The following CNTNAP5 variants were observed in gnomAD, a reference collection of about 807,000 sequenced individuals.
CNTNAP5 encodes contactin associated protein family member 5, also known as contactin-associated protein-like 5.
Under a neutral mutation model 150.2 loss-of-function variants are expected in CNTNAP5, and 72 were observed. The ratio of observed to expected loss-of-function variants is 0.48; its 90% CI spans 0.40 to 0.58. CNTNAP5 has a LOEUF of 0.58. CNTNAP5 is among the 20% of genes least tolerant of loss of function. CNTNAP5 has a pLI of 0.00. For synonymous variants in CNTNAP5, 672 were observed against 619.8 expected (o/e 1.08, Z -1.25); for missense variants, 1,636 against 1,626.2 (o/e 1.01, Z -0.10).
Position 124,025,342 on chromosome 2 carries a change from CCTGT to C in CNTNAP5, c.-307_-304del. 1 of 333,766 alleles carries C rather than the reference CCTGT, an allele frequency of 3.0e-6. No individual in the cohort carries two copies. The highest frequency in any genetic ancestry group is 5.7e-6 in the Non-Finnish European group (1 of 174,644). The allele number at this position is 333,766 out of a possible 1,614,324, so 20.7% of individuals were successfully genotyped here. On this transcript the variant is annotated 5_prime_UTR_variant, in exon 1 of 24. Coordinates refer to ENST00000682447, the MANE Select transcript of CNTNAP5 (RefSeq NM_001367498.1). ...TTTGGCTGTCCACCGAGCTCCGGCG[CCTGT>C]CGTTCTAATTGGGTTTGGATTTGCA... is the stretch of plus-strand genomic sequence containing the variant.
chr2:124,170,176 G>A (rs527267269), intron 1 of CNTNAP5, among the ~76,000 whole-genome samples: 2 of 152,174 alleles, frequency 1.3e-5, no homozygotes, highest in South Asian at 2.1e-4. Flanking sequence ...AAAGAATAAA[G>A]AGAGGCAGGC....
At chr2:124,380,338 G>T (rs2104736892) in intron 3 of CNTNAP5, among the ~76,000 whole-genome samples, 1 of 152,208 alleles carries the variant, frequency 6.6e-6, no homozygotes, top group African/African-American at 2.4e-5. Flanking sequence ...TCAAAGACAG[G>T]TTCCTCTTCC....
At chr2:124,239,693 C>CG (rs1686838382) in intron 2 of CNTNAP5, among the ~76,000 whole-genome samples, 2 of 125,756 alleles carry the variant, frequency 1.6e-5, no homozygotes. Flanking sequence ...ATTTCAACAA[C>CG]ATTTTTTTTT....
chr2:124,813,441 C>A (rs1011770933), intron 19 of CNTNAP5, among the ~76,000 whole-genome samples: 2 of 150,506 alleles, frequency 1.3e-5, no homozygotes, highest in African/African-American at 4.9e-5. Flanking sequence ...GCTAACTCAT[C>A]CATTCCCATT....
intron 8 of CNTNAP5, among the ~76,000 whole-genome samples, chr2:124,523,222 C>T (rs1040357020): frequency 2.6e-5 from 4 of 152,126 alleles, no homozygotes; most frequent in African/African-American, 4.8e-5. Flanking sequence ...GACTAACTGG[C>T]GTAATTCTCA....
intron 12 of CNTNAP5, among the ~76,000 whole-genome samples, chr2:124,634,533 C>T (rs74649253): frequency 0.061 from 9,220 of 152,084 alleles, 304 homozygotes; most frequent in African/African-American, 0.075. Context: ...AAATGAGGCA[C>T]GGTATCACTT....
At chr2:124,727,392 G>A (rs1296580291) in intron 13 of CNTNAP5, among the ~76,000 whole-genome samples, 1 of 151,822 alleles carries the variant, frequency 6.6e-6, no homozygotes, top group East Asian at 1.9e-4. Flanking sequence ...GATAATGATT[G>A]CATTGAACTT....
chr2:124,497,083 C>T (rs1016450888), intron 7 of CNTNAP5, among the ~76,000 whole-genome samples: 2 of 152,150 alleles, frequency 1.3e-5, no homozygotes, highest in African/African-American at 4.8e-5. Flanking sequence ...CCGCTAGAGA[C>T]CATGGATCTT....
intron 6 of CNTNAP5, among the ~76,000 whole-genome samples, chr2:124,450,289 T>C (rs966070706): frequency 2.6e-5 from 4 of 151,782 alleles, no homozygotes; most frequent in Non-Finnish European, 5.9e-5. Context: ...TATATACTTC[T>C]GTATATATCA....
chr2:124,133,163 G>T (rs1017375372), intron 1 of CNTNAP5, among the ~76,000 whole-genome samples: 2 of 152,126 alleles, frequency 1.3e-5, no homozygotes, highest in Admixed American at 1.3e-4. Flanking sequence ...AGGTAGTTGA[G>T]ATTCAGAAAG....
At chr2:124,224,688 A>G (rs1686413420) in intron 2 of CNTNAP5, among the ~76,000 whole-genome samples, 1 of 152,074 alleles carries the variant, frequency 6.6e-6, no homozygotes, top group African/African-American at 2.4e-5. Flanking sequence ...TCATGTACAA[A>G]TATATACATA....
At chr2:124,569,372 G>T (rs749836177) in intron 11 of CNTNAP5, among the ~76,000 whole-genome samples, 1 of 152,008 alleles carries the variant, frequency 6.6e-6, no homozygotes, top group Non-Finnish European at 1.5e-5. Context: ...TAAAAAAAGA[G>T]ATTTTTTTCA....
At chr2:124,335,135 CCCA>C (rs1257952344) in intron 3 of CNTNAP5, among the ~76,000 whole-genome samples, 1 of 152,100 alleles carries the variant, frequency 6.6e-6, no homozygotes, top group Non-Finnish European at 1.5e-5. Flanking sequence ...CTAGTCTCCA[CCCA>C]AAATATGGGG....
intron 12 of CNTNAP5, among the ~76,000 whole-genome samples, chr2:124,634,083 G>A (rs72845018): frequency 0.021 from 3,228 of 152,252 alleles, 44 homozygotes; most frequent in Middle Eastern, 0.037. Context: ...CCATTGTCAT[G>A]GATATTAATA....
chr2:124,255,933 G>A (rs1687301419), intron 3 of CNTNAP5, among the ~76,000 whole-genome samples: 1 of 152,164 alleles, frequency 6.6e-6, no homozygotes, highest in Non-Finnish European at 1.5e-5. Context: ...AGAAACATTA[G>A]CTAGGTAGGT....
At chr2:124,569,492 A>G (rs944996634) in intron 11 of CNTNAP5, among the ~76,000 whole-genome samples, 1 of 152,240 alleles carries the variant, frequency 6.6e-6, no homozygotes, top group African/African-American at 2.4e-5. Flanking sequence ...TTCAACAAGT[A>G]CTTTTTGAAA....
chr2:124,048,434 A>G (rs1681601396), intron 1 of CNTNAP5, among the ~76,000 whole-genome samples: 1 of 152,178 alleles, frequency 6.6e-6, no homozygotes, highest in East Asian at 1.9e-4. Flanking sequence ...AGTGTCCATG[A>G]AAGAGTTTTA....
intron 1 of CNTNAP5, among the ~76,000 whole-genome samples, chr2:124,091,294 G>A (rs1473293126): frequency 1.3e-5 from 2 of 152,124 alleles, no homozygotes; most frequent in African/African-American, 2.4e-5. Flanking sequence ...GGTTGTCCAG[G>A]CCTGAATTTA....
At chr2:124,222,110 A>G (rs890225850) in intron 2 of CNTNAP5, among the ~76,000 whole-genome samples, 1 of 152,130 alleles carries the variant, frequency 6.6e-6, no homozygotes, top group Non-Finnish European at 1.5e-5. Context: ...CATAGCTAAC[A>G]TAAATAGATA....
Sources: allele counts gnomAD v4.1 joint callset (sites outside exome capture counted in the v4.1 genomes callset), GRCh38; gene constraint gnomAD v4.1.1; transcripts MANE v1.5; gene names NCBI Gene and HGNC (gene_info 2026-07-23, HGNC 2026-07-21).